The following TMEM178B variants were observed in gnomAD, a reference collection of about 807,000 sequenced individuals.
TMEM178B encodes transmembrane protein 178B.
In TMEM178B, 5 loss-of-function variants were observed where a neutral mutation model predicts 31.0. That is an observed-to-expected ratio of 0.16 (90% CI 0.08 to 0.34). The LOEUF is 0.34. TMEM178B is among the 10% of genes least tolerant of loss of function. TMEM178B has a pLI of 1.00. For missense variants in TMEM178B, 275 were observed against 400.3 expected (o/e 0.69, Z 2.67); for synonymous variants, 164 against 164.0 (o/e 1.00, Z 0.00).
chr7:141,203,886 A>C (rs1241948818), intron 1 of TMEM178B, among the ~76,000 whole-genome samples: 2 of 152,216 alleles, frequency 1.3e-5, no homozygotes, highest in Non-Finnish European at 2.9e-5. Context: ...ACGGACTCTC[A>C]GAAGTGGTCC....
At chr7:141,159,665 G>A (rs1796136288) in intron 1 of TMEM178B, among the ~76,000 whole-genome samples, 1 of 152,168 alleles carries the variant, frequency 6.6e-6, no homozygotes, top group Admixed American at 6.5e-5. Context: ...GGATGAACCT[G>A]GAGGACATCA....
At chr7:141,269,488 G>GT (rs1798146938) in intron 2 of TMEM178B, among the ~76,000 whole-genome samples, 1 of 152,140 alleles carries the variant, frequency 6.6e-6, no homozygotes, top group African/African-American at 2.4e-5. Flanking sequence ...TAAATTCCCA[G>GT]TACCCCCACT....
chr7:141,508,278 C>G, the TMEM178B span, among the ~76,000 whole-genome samples: 1 of 152,178 alleles, frequency 6.6e-6, no homozygotes, highest in Admixed American at 6.5e-5. Context: ...CAAGAGTCAC[C>G]TTTACTCCAG....
At chr7:141,205,763 T>G (rs1240291461) in intron 1 of TMEM178B, among the ~76,000 whole-genome samples, 1 of 152,190 alleles carries the variant, frequency 6.6e-6, no homozygotes, top group African/African-American at 2.4e-5. Context: ...TACCCTTGAG[T>G]GATAGACTTC....
At chr7:141,124,595 C>G (rs765530408) in intron 1 of TMEM178B, among the ~76,000 whole-genome samples, 18 of 152,056 alleles carry the variant, frequency 1.2e-4, no homozygotes, top group Non-Finnish European at 2.5e-4. Context: ...ATCTACTTGT[C>G]CACATTCCTG....
At chr7:141,415,767 A>AACTGGGTTTTAG (rs909341127) in intron 2 of TMEM178B, among the ~76,000 whole-genome samples, 1 of 152,212 alleles carries the variant, frequency 6.6e-6, no homozygotes, top group Non-Finnish European at 1.5e-5. Context: ...GAAGATGAGA[A>AACTGGGTTTTAG]ACTGGGTTTT....
chr7:141,297,364 A>ATTC (rs966715662), intron 2 of TMEM178B, among the ~76,000 whole-genome samples: 2 of 152,088 alleles, frequency 1.3e-5, no homozygotes, highest in African/African-American at 2.4e-5. Flanking sequence ...TATTATTATT[A>ATTC]TTTTTATTAT....
chr7:141,322,351 A>AC (rs1799114645), intron 2 of TMEM178B, among the ~76,000 whole-genome samples: 2 of 136,126 alleles, frequency 1.5e-5, no homozygotes, highest in South Asian at 5.0e-4. Flanking sequence ...AAATGGTGAA[A>AC]CCCCATCTTA....
At chr7:141,402,107 G>A (rs896506092) in intron 2 of TMEM178B, among the ~76,000 whole-genome samples, 2 of 152,134 alleles carry the variant, frequency 1.3e-5, no homozygotes, top group East Asian at 3.9e-4. Context: ...CACAAAGAAG[G>A]GTGAGCAACA....
At chr7:141,359,383 A>G (rs1480832178) in intron 2 of TMEM178B, among the ~76,000 whole-genome samples, 1 of 152,154 alleles carries the variant, frequency 6.6e-6, no homozygotes. Context: ...CCATTTTCTT[A>G]TAGTAACTGC....
intron 3 of TMEM178B, among the ~76,000 whole-genome samples, chr7:141,443,048 T>C (rs1801690703): frequency 6.6e-6 from 1 of 152,230 alleles, no homozygotes; most frequent in African/African-American, 2.4e-5. Context: ...GTTTGCTTAT[T>C]CAAGGCCAGC....
intron 2 of TMEM178B, among the ~76,000 whole-genome samples, chr7:141,309,522 A>G (rs1667491389): frequency 6.6e-6 from 1 of 152,172 alleles, no homozygotes; most frequent in Non-Finnish European, 1.5e-5. Flanking sequence ...TGGTCTTTTT[A>G]TTATACCTAC....
At chr7:141,427,010 G>A (rs1212733519) in intron 2 of TMEM178B, among the ~76,000 whole-genome samples, 1 of 152,128 alleles carries the variant, frequency 6.6e-6, no homozygotes, top group Non-Finnish European at 1.5e-5. Flanking sequence ...CCCAAATGGG[G>A]TGAAAGATCT....
At chr7:141,430,378 A>G (rs1801402462) in intron 2 of TMEM178B, among the ~76,000 whole-genome samples, 1 of 152,222 alleles carries the variant, frequency 6.6e-6, no homozygotes, top group East Asian at 1.9e-4. Flanking sequence ...TTCTATTTAC[A>G]CTTATATAGC....
chr7:141,421,555 C>A (rs963011507), intron 2 of TMEM178B, among the ~76,000 whole-genome samples: 1 of 152,184 alleles, frequency 6.6e-6, no homozygotes, highest in Admixed American at 6.5e-5. Flanking sequence ...CCAAGATTCT[C>A]ACCCTAGTTC....
At chr7:141,330,712 G>A (rs930701652) in intron 2 of TMEM178B, among the ~76,000 whole-genome samples, 1 of 152,160 alleles carries the variant, frequency 6.6e-6, no homozygotes, top group East Asian at 1.9e-4. Flanking sequence ...GGAAGCCACT[G>A]GGAGGCTTTG....
intron 1 of TMEM178B, among the ~76,000 whole-genome samples, chr7:141,134,422 G>C (rs2129178167): frequency 6.6e-6 from 1 of 152,180 alleles, no homozygotes; most frequent in Non-Finnish European, 1.5e-5. Flanking sequence ...ATCACCACTA[G>C]ACTGAACCTA....
At chr7:141,410,985 C>T (rs1024071963) in intron 2 of TMEM178B, among the ~76,000 whole-genome samples, 2 of 152,190 alleles carry the variant, frequency 1.3e-5, no homozygotes, top group African/African-American at 4.8e-5. Context: ...TGGTTCCATG[C>T]ATTTAAGGCA....
chr7:141,147,385 G>T (rs978008812), intron 1 of TMEM178B, among the ~76,000 whole-genome samples: 2 of 152,092 alleles, frequency 1.3e-5, no homozygotes, highest in African/African-American at 4.8e-5. Flanking sequence ...AGCCTTGTAA[G>T]CCGTGTTTAG....
Sources: allele counts gnomAD v4.1 joint callset (sites outside exome capture counted in the v4.1 genomes callset), GRCh38; gene constraint gnomAD v4.1.1; transcripts MANE v1.5; gene names NCBI Gene and HGNC (gene_info 2026-07-23, HGNC 2026-07-21).